FBXO42: variants seen among roughly 807,000 people sequenced by gnomAD.
FBXO42 encodes the protein F-box only protein 42.
In FBXO42, 12 loss-of-function variants were observed where a neutral mutation model predicts 71.7. The observed-to-expected ratio is 0.17, with a 90% CI of 0.11 to 0.27. The LOEUF is 0.27. Among genes scored for constraint, FBXO42 ranks in the 10% least tolerant of loss-of-function variants. The pLI, the probability that FBXO42 is intolerant of heterozygous loss-of-function variation, is 1.00. For missense variants in FBXO42, 707 were observed against 911.9 expected (o/e 0.78, Z 2.89); for synonymous variants, 325 against 327.5 (o/e 0.99, Z 0.08).
At chr1:16,285,314 C>T (rs1265263631) in intron 4 of FBXO42, among the ~76,000 whole-genome samples, 1 of 152,022 alleles carries the variant, frequency 6.6e-6, no homozygotes, top group Non-Finnish European at 1.5e-5. Context: ...TGCTCTGTTG[C>T]CCAGGCTGGA....
At chr1:16,295,453 T>A (rs1262638) in intron 3 of FBXO42, among the ~76,000 whole-genome samples, 152,132 of 152,132 alleles carry the variant, frequency 1, 76,066 homozygotes, top group Non-Finnish European at 1. Context: ...TGCAGTGGCA[T>A]GATCTCGGCT....
At chr1:16,342,580 T>C (rs1295978271) in intron 1 of FBXO42, among the ~76,000 whole-genome samples, 1 of 82,560 alleles carries the variant, frequency 1.2e-5, no homozygotes. Flanking sequence ...AGATCCTGTC[T>C]CAAAAAAAAA....
rs1339133336 is a variant in FBXO42 at position 16,294,767 on chromosome 1, G to A, written c.502+16C>T. ...TCACCTGGTAAGGAGGCAAAGATCA[G>A]CATTTCATCTCTTACCTGAAGCCAA... On this transcript the variant is annotated intron_variant, in intron 4 of 9. Transcript: ENST00000375592. The A allele has an allele frequency of 1.2e-6, 2 of 1,612,254 alleles. No homozygotes were observed. Among genetic ancestry groups the A allele is most frequent in the Admixed American group, 1.7e-5 (1 of 59,622 alleles).
chr1:16,337,703 T>C lies in FBXO42; in HGVS notation c.-18+14552A>G, dbSNP rs951253578. ...TTCAAGACCAGCCTGCCCAACATGGTGAAACCCCCGCCTCTACAAAAAATA... is the reference window on the plus strand; with the variant it reads ...TTCAAGACCAGCCTGCCCAACATGGCGAAACCCCCGCCTCTACAAAAAATA... On this transcript the variant is annotated intron_variant, in intron 1 of 9. Coordinates refer to ENST00000375592, the MANE Select transcript of FBXO42 (RefSeq NM_018994.3). Among the ~76,000 whole-genome samples, 3 of 148,258 alleles carry C rather than the reference T, an allele frequency of 2.0e-5. No homozygotes were observed. The East Asian group carries it at 6.1e-4, about 30-fold the overall frequency.
Position 16,294,822 on chromosome 1 carries a change from C to T in FBXO42, c.463G>A (p.Asp155Asn). ...NAAFNDLWRL[D>N]LNSKEWIRPL... ...CGGATCCACTCTTTGCTGTTTAGGTCAAGTCTCCAGAGGTCATTGAAAGCA... is the reference window on the plus strand; with the variant it reads ...CGGATCCACTCTTTGCTGTTTAGGTTAAGTCTCCAGAGGTCATTGAAAGCA... Residue 155 changes from aspartate (D) to asparagine (N), a missense_variant, in exon 4 of 10, where the codon GAC becomes AAC. Around this residue, in one of 5 missense-constraint regions of FBXO42, gnomAD observed 188 missense variants for 230.5 expected, o/e 0.82. Transcript: ENST00000375592. The T allele has an allele frequency of 6.2e-7, 1 of 1,614,062 alleles. No individual in the cohort carries two copies. Among genetic ancestry groups the T allele is most frequent in the Non-Finnish European group, 8.5e-7 (1 of 1,180,018 alleles).
intron 1 of FBXO42, among the ~76,000 whole-genome samples, chr1:16,333,010 TCTCTGCTCTTGCTGGC>T (rs1184593628): frequency 6.6e-6 from 1 of 152,140 alleles, no homozygotes; most frequent in African/African-American, 2.4e-5. Context: ...TCATTTCTAG[TCTCTGCTCTTGCTGGC>T]CATCCCCTCT....
At position 16,329,179 on chromosome 1, in the gene FBXO42, A is replaced by G. The variant is rs569784731; in HGVS notation, c.-17-13744T>C. Among the ~76,000 whole-genome samples the G allele has an allele frequency of 3.0e-4, 45 of 151,108 alleles. No individual in the cohort carries two copies. The East Asian group carries it at 6.9e-3, about 23-fold the overall frequency. ...CTCTGTCTCAAAAAAAAAAAAAAAA[A>G]AAAGAAAATTGATGGGATTGTGTAA... On this transcript the variant is annotated intron_variant, in intron 1 of 9. Transcript: ENST00000375592.
intron 4 of FBXO42, among the ~76,000 whole-genome samples, chr1:16,265,321 C>A (rs1204692568): frequency 6.6e-6 from 1 of 152,098 alleles, no homozygotes; most frequent in Non-Finnish European, 1.5e-5. Context: ...GAACTCCCAA[C>A]CTCAGGTGGT....
intron 4 of FBXO42, among the ~76,000 whole-genome samples, chr1:16,259,765 C>CAAAAAAAA (rs562076269): frequency 1.4e-5 from 1 of 69,950 alleles, no homozygotes. Context: ...GACTCTGTCT[C>CAAAAAAAA]AAAAAAAAAA....
chr1:16,324,723 C>T (rs2082436639), intron 1 of FBXO42, among the ~76,000 whole-genome samples: 2 of 152,082 alleles, frequency 1.3e-5, no homozygotes, highest in African/African-American at 2.4e-5. Flanking sequence ...GTCTGAGGTG[C>T]GAGCATCGCT....
chr1:16,311,629 A>G (rs1312721218), intron 2 of FBXO42, among the ~76,000 whole-genome samples: 9 of 151,788 alleles, frequency 5.9e-5, no homozygotes, highest in Admixed American at 5.3e-4. Flanking sequence ...AATACGCTCC[A>G]TATCATTTGT....
chr1:16,319,628 C>T lies in FBXO42; in HGVS notation c.-17-4193G>A, dbSNP rs34887913. 3.3e-5 allele frequency among the ~76,000 whole-genome samples: 5 copies of T among 152,104 alleles called. No individual in the cohort carries two copies. The East Asian group carries it at 9.6e-4, about 29-fold the overall frequency. ...TGAAAACTGTATTAGAAAAAGGATC[C>T]TAGGCCAGGTGTGGTGGCTCACGCC... On this transcript the variant is annotated intron_variant, in intron 1 of 9. Transcript: ENST00000375592.
rs1434550177 is a variant in FBXO42 at position 16,247,596 on chromosome 1, A to G, written c.*3074T>C. ...TAAAGAGTTCCAACACAGTTCCTAGAATAGTTCATGGTTTTCAGCTGTTGC... is the reference window on the plus strand; with the variant it reads ...TAAAGAGTTCCAACACAGTTCCTAGGATAGTTCATGGTTTTCAGCTGTTGC... On this transcript the variant is annotated 3_prime_UTR_variant, in exon 10 of 10. Transcript: ENST00000375592. The G allele has an allele frequency of 1.3e-5, 2 of 152,240 alleles. No homozygotes were observed. Among genetic ancestry groups the G allele is most frequent in the Non-Finnish European group, 2.9e-5 (2 of 68,050 alleles). The allele number at this position is 152,240 out of a possible 1,614,324, so 9.4% of individuals were successfully genotyped here. A position where few individuals can be genotyped will look rare whatever the true frequency, so the allele number is the denominator to read the frequency against.
intron 4 of FBXO42, among the ~76,000 whole-genome samples, chr1:16,273,490 G>T (rs777680885): frequency 4.0e-5 from 6 of 151,828 alleles, no homozygotes; most frequent in Non-Finnish European, 7.4e-5. Flanking sequence ...GGAAATGAGT[G>T]CATATATCCA....
rs2082244720 is a variant in FBXO42, at chr1:16,305,877, T to G, written c.293A>C (p.Gln98Pro). Reference sequence around the variant, plus strand: ...GCTCTCCCACTGAATGTTTCCTTCCTGGACAGCCTTCATGAAACCATGATA... The same window carrying G: ...GCTCTCCCACTGAATGTTTCCTTCCGGGACAGCCTTCATGAAACCATGATA... ...QCYHGFMKAV[Q>P]EGNIQWESRT... The change falls in exon 3 of 10, where the codon CAG becomes CCG. Residue 98 changes from glutamine (Q) to proline (P), a missense_variant. This residue lies in a region of FBXO42 where 188 missense variants were observed against 230.5 expected (regional missense o/e 0.82). Coordinates refer to ENST00000375592, the MANE Select transcript of FBXO42 (RefSeq NM_018994.3). The G allele has an allele frequency of 6.2e-7, 1 of 1,614,072 alleles. No homozygotes were observed. Among genetic ancestry groups the G allele is most frequent in the African/African-American group, 1.3e-5 (1 of 74,934 alleles).
intron 4 of FBXO42, among the ~76,000 whole-genome samples, chr1:16,266,175 GTATAGT>G (rs1315063236): frequency 1.3e-5 from 2 of 151,144 alleles, no homozygotes; most frequent in Admixed American, 1.3e-4. Flanking sequence ...TGTTTTCAAA[GTATAGT>G]TTTTTTTAAA....
chr1:16,302,916 C>T (rs745427602), intron 3 of FBXO42, among the ~76,000 whole-genome samples: 1 of 152,182 alleles, frequency 6.6e-6, no homozygotes, highest in Non-Finnish European at 1.5e-5. Context: ...CACCAGGTCA[C>T]TCCCTTGACA....
chr1:16,269,469 T>G (rs1462560342), intron 4 of FBXO42, among the ~76,000 whole-genome samples: 1 of 151,816 alleles, frequency 6.6e-6, no homozygotes. Context: ...GCCATTCTCG[T>G]GCCTCAGCTT....
At chr1:16,311,821 C>T (rs1029112510) in intron 2 of FBXO42, among the ~76,000 whole-genome samples, 2 of 152,046 alleles carry the variant, frequency 1.3e-5, no homozygotes, top group East Asian at 3.8e-4. Flanking sequence ...ACAAAACTAA[C>T]GATGCTCTTA....
Sources: gnomAD v4.1 joint callset for allele counts (sites outside exome capture counted in the v4.1 genomes callset) on GRCh38, gnomAD v4.1.1 for gene constraint, gnomAD v4.1.1 regional missense constraint, MANE v1.5 for transcripts, NCBI Gene and HGNC (gene_info 2026-07-23, HGNC 2026-07-21) for gene names.